Variants in ZNF77 observed in about 807,000 individuals in gnomAD.
ZNF77 encodes zinc finger protein 77.
In ZNF77, 15 loss-of-function variants were observed where a neutral mutation model predicts 13.5. The observed-to-expected ratio is 1.11, with a 90% CI of 0.74 to 1.71. The LOEUF (loss-of-function observed/expected upper bound fraction) is 1.71, where lower values mean the gene tolerates loss of function less well. ZNF77 is among the 40% of genes most tolerant of loss of function. The probability of loss-of-function intolerance (pLI) is 0.00; values close to 1 mark genes in which losing one functional copy is unlikely to be tolerated. For missense variants in ZNF77, 717 were observed against 676.4 expected, an observed-to-expected ratio of 1.06 and a Z score of -0.67; for synonymous variants, 282 against 250.0, an observed-to-expected ratio of 1.13 and a Z score of -1.21.
intron 3 of ZNF77, among the ~76,000 whole-genome samples, chr19:2,936,054 A>G (rs1007650851): frequency 4.7e-5 from 7 of 148,362 alleles, no homozygotes; most frequent in Non-Finnish European, 7.4e-5. Context: ...AATAAAATAA[A>G]ATAAATAAAA....
intron 3 of ZNF77, among the ~76,000 whole-genome samples, chr19:2,935,167 T>C (rs1228262670): frequency 1.5e-5 from 2 of 133,030 alleles, no homozygotes; most frequent in Non-Finnish European, 3.2e-5. Flanking sequence ...TACAGGCGCC[T>C]GCCACCACGC....
In ZNF77 at chr19:2,934,189, T is replaced by G; in HGVS notation, c.938A>C (p.Asp313Ala). Reference sequence around the variant, plus strand: ...CTCTCCAGTGTGCGTCCTCACGTGATCTCTAAAGGAGGAGTAACAGCTGAA... The same window carrying G: ...CTCTCCAGTGTGCGTCCTCACGTGAGCTCTAAAGGAGGAGTAACAGCTGAA... The part of the protein sequence containing the change: ...KSFSCYSSFR[D>A]HVRTHTGEKP... The change falls in exon 4 of 4, where the codon GAT becomes GCT. Residue 313 changes from aspartate (D) to alanine (A), a missense_variant. Asp to Ala is a moderately radical substitution (Grantham distance 126). Transcript: ENST00000314531. 1 of 1,614,160 alleles carries G rather than the reference T, an allele frequency of 6.2e-7. No homozygotes were observed.
intron 3 of ZNF77, among the ~76,000 whole-genome samples, chr19:2,935,971 C>T (rs1476306280): frequency 4.0e-5 from 6 of 151,240 alleles, no homozygotes; most frequent in Admixed American, 1.3e-4. Context: ...AGCCAAGATC[C>T]GTGCCACTGC....
chr19:2,941,640 A>G (rs2088449407), intron 1 of ZNF77, among the ~76,000 whole-genome samples: 1 of 152,170 alleles, frequency 6.6e-6, no homozygotes, highest in Non-Finnish European at 1.5e-5. Flanking sequence ...GGTCTCATGC[A>G]GAAAACAGGT....
At position 2,939,378 on chromosome 19, in the gene ZNF77, C is replaced by T; in HGVS notation, c.33G>A (p.Val11=). The T allele has an allele frequency of 6.2e-7, 1 of 1,614,194 alleles. No homozygotes were observed. The highest frequency in any genetic ancestry group is 2.2e-5 in the East Asian group (1 of 44,882). ...ATGCCCACTCTTCTGGGGTGAAGTT[C>T]ACAGCCACTTCCTCAAAGATCACGC... The part of the protein sequence containing the change: MDCVIFEEVA[V]NFTPEEWALL... Residue 11 remains valine, a synonymous_variant, in exon 2 of 4, where the codon GTG becomes GTA. Coordinates refer to ENST00000314531, the MANE Select transcript of ZNF77 (RefSeq NM_021217.3).
intron 1 of ZNF77, among the ~76,000 whole-genome samples, chr19:2,940,192 A>T (rs906470550): frequency 6.6e-6 from 1 of 152,044 alleles, no homozygotes; most frequent in Non-Finnish European, 1.5e-5. Flanking sequence ...TTTTAAAAAT[A>T]CAACTATGAA....
In ZNF77 at chr19:2,934,662, C is replaced by G. The variant is rs1361058075; in HGVS notation, c.465G>C (p.Gln155His). Residue 155 changes from glutamine to histidine, a missense_variant, in exon 4 of 4, where the codon CAG becomes CAC. By Grantham distance (24) the Gln-to-His change is conservative. Coordinates refer to ENST00000314531, the MANE Select transcript of ZNF77 (RefSeq NM_021217.3). ...TKCGKAFENRQRSHTGQRPCK... is the reference protein window; with the variant it reads ...TKCGKAFENRHRSHTGQRPCK... The stretch of plus-strand genomic sequence containing the variant: ...ACGGTCTCTGTCCAGTGTGAGATCT[C>G]TGCCGATTCTCGAAGGCTTTGCCAC... The G allele has an allele frequency of 6.2e-7, 1 of 1,614,114 alleles. No individual in the cohort carries two copies. The highest frequency in any genetic ancestry group is 1.1e-5 in the South Asian group (1 of 91,078).
intron 2 of ZNF77, among the ~76,000 whole-genome samples, chr19:2,938,562 T>C (rs1432527881): frequency 3.9e-5 from 6 of 152,228 alleles, no homozygotes; most frequent in Admixed American, 2.6e-4. Context: ...AACTTTGTTT[T>C]CATGGAGAAG....
chr19:2,942,127 A>G (rs979837802), intron 1 of ZNF77, among the ~76,000 whole-genome samples: 2 of 150,882 alleles, frequency 1.3e-5, no homozygotes, highest in Non-Finnish European at 2.9e-5. Context: ...GCTGGAGTGC[A>G]GTGAAACAAT....
At position 2,933,997 on chromosome 19, in the gene ZNF77, T is replaced by C. The variant is rs1338723377; in HGVS notation, c.1130A>G (p.Glu377Gly). The change falls in exon 4 of 4, where the codon GAG becomes GGG. Residue 377 changes from glutamate (E) to glycine (G), a missense_variant. Glu to Gly is a moderately conservative substitution (Grantham distance 98). Transcript: ENST00000314531. ...ACACTGCTTGCACACATAGGGCTTC[T>C]CTCCGGTGTGCATTCTCATGTGTGC... is the stretch of plus-strand genomic sequence containing the variant. ...LRAHMRMHTG[E>G]KPYVCKQCGK... 4 of 1,614,194 alleles carry C rather than the reference T, an allele frequency of 2.5e-6. No individual in the cohort carries two copies. The Admixed American group carries it at 5.0e-5, about 20-fold the overall frequency.
intron 1 of ZNF77, among the ~76,000 whole-genome samples, chr19:2,943,749 C>T (rs1367277105): frequency 8.8e-6 from 1 of 113,002 alleles, no homozygotes; most frequent in Non-Finnish European, 1.7e-5. Context: ...CTTTCTCTGT[C>T]GCCAGGCTGG....
Position 2,939,398 on chromosome 19 carries a change from T to C in ZNF77, c.13A>G (p.Ile5Val), listed in dbSNP as rs12609268. MDCVIFEEVAVNFTP... is the reference protein window; with the variant it reads MDCVVFEEVAVNFTP... ...AAGTTCACAGCCACTTCCTCAAAGA[T>C]CACGCAGTCCTAAAACATTCCACAC... Residue 5 changes from isoleucine (I) to valine (V), a missense_variant, in exon 2 of 4, where the codon ATC (isoleucine) becomes GTC (valine). Transcript: ENST00000314531. 201,848 of 1,613,326 alleles carry C rather than the reference T, an allele frequency of 0.13. 15,272 individuals are homozygous for C. Among genetic ancestry groups the C allele is most frequent in the East Asian group, 0.39 (17,557 of 44,810 alleles).
intron 3 of ZNF77, among the ~76,000 whole-genome samples, chr19:2,935,521 G>T (rs2088388918): frequency 6.8e-6 from 1 of 145,992 alleles, no homozygotes; most frequent in Non-Finnish European, 1.5e-5. Context: ...AGTAGAGATG[G>T]GGTTTCTCCA....
At chr19:2,942,467 T>TC (rs1253859975) in intron 1 of ZNF77, among the ~76,000 whole-genome samples, 1 of 145,122 alleles carries the variant, frequency 6.9e-6, no homozygotes, top group Non-Finnish European at 1.5e-5. Context: ...CAAGCGATTC[T>TC]CCCCCCTCAG....
intron 1 of ZNF77, among the ~76,000 whole-genome samples, chr19:2,942,340 G>A (rs1424485696): frequency 6.8e-6 from 1 of 146,288 alleles, no homozygotes; most frequent in Non-Finnish European, 1.5e-5. Flanking sequence ...AAAGTGCTAG[G>A]ATTACAGGTG....
intron 3 of ZNF77, 116 bp downstream of exon 3, chr19:2,936,408 C>G (rs1253901441): frequency 1.6e-6 from 2 of 1,214,000 alleles, no homozygotes; most frequent in Admixed American, 7.1e-5. Context: ...CTCGGCCTCC[C>G]AAAGTGCTGG....
rs186735859 is a variant in ZNF77 at position 2,933,678 on chromosome 19, C to A, written c.1449G>T (p.Val483=). Residue 483 remains valine (V), a synonymous_variant, in exon 4 of 4, where the codon GTG becomes GTT. Transcript: ENST00000314531. ...FSHAQYFQKH[V]RSHSGVKPYE... is the part of the protein sequence containing the mutation. ...AGGGTTTGACCCCACTGTGTGATCTCACATGCTTTTGAAAGTACTGAGCGT... is the reference window on the plus strand; with the variant it reads ...AGGGTTTGACCCCACTGTGTGATCTAACATGCTTTTGAAAGTACTGAGCGT... 341 of 1,612,566 alleles carry A rather than the reference C, an allele frequency of 2.1e-4. 2 individuals carry two copies. In the East Asian group the frequency reaches 6.9e-3, roughly 33 times the overall value.
At chr19:2,941,966 C>T (rs879622971) in intron 1 of ZNF77, among the ~76,000 whole-genome samples, 6 of 151,932 alleles carry the variant, frequency 3.9e-5, no homozygotes, top group South Asian at 2.1e-4. Context: ...GCAGCCTTCT[C>T]GGGCTAAGCC....
Position 2,933,869 on chromosome 19 carries a change from A to G in ZNF77, c.1258T>C (p.Ser420Pro), listed in dbSNP as rs764657336. 5.0e-6 allele frequency: 8 copies of G among 1,613,358 alleles called. No individual in the cohort carries two copies. In the East Asian group the frequency reaches 1.8e-4, roughly 36 times the overall value. The change falls in exon 4 of 4, where the codon TCC (serine) becomes CCC (proline). Residue 420 changes from serine to proline, a missense_variant. Transcript: ENST00000314531. ...CTCACGTGGATTCGAAGGGAGGAGG[A>G]AAAACTGTAGGCTTTCCCACACTCT... Reference protein sequence around the residue: ...CKECGKAYSFSSSLRIHVRTH... With the variant: ...CKECGKAYSFPSSLRIHVRTH...
Sources: gnomAD v4.1 joint callset for allele counts (sites outside exome capture counted in the v4.1 genomes callset) on GRCh38, gnomAD v4.1.1 for gene constraint, MANE v1.5 for transcripts, NCBI Gene and HGNC (gene_info 2026-07-23, HGNC 2026-07-21) for gene names.